Variants in CCDC150 observed in about 807,000 individuals in gnomAD.
CCDC150 encodes the protein coiled-coil domain-containing protein 150.
In CCDC150, 151 loss-of-function variants were observed where a neutral mutation model predicts 156.5. That is an observed-to-expected ratio of 0.97 (90% CI 0.85 to 1.10). The LOEUF is 1.10. Ranked by LOEUF, CCDC150 falls within the 50% of genes least tolerant of loss-of-function variation. The probability of loss-of-function intolerance (pLI) is 0.00; values close to 1 mark genes in which losing one functional copy is unlikely to be tolerated. For synonymous variants in CCDC150, 452 were observed against 429.4 expected (o/e 1.05, Z -0.65); for missense variants, 1,312 against 1,268.1 (o/e 1.03, Z -0.53).
intron 6 of CCDC150, 146 bp from the exon 7 acceptor site, chr2:196,666,573 G>C: frequency 1.4e-6 from 1 of 698,916 alleles, no homozygotes. Flanking sequence ...ACCGCATTCT[G>C]TTGAGATTTT....
intron 22 of CCDC150, among the ~76,000 whole-genome samples, chr2:196,728,646 CAG>C (rs1363873294): frequency 6.6e-6 from 1 of 152,074 alleles, no homozygotes; most frequent in East Asian, 1.9e-4. Flanking sequence ...CAGTACCTGA[CAG>C]ATATTTATAT....
At chr2:196,715,299 C>T (rs1018484258) in intron 17 of CCDC150, among the ~76,000 whole-genome samples, 2 of 151,964 alleles carry the variant, frequency 1.3e-5, no homozygotes, top group Non-Finnish European at 2.9e-5. Flanking sequence ...CATAGTTTTG[C>T]AATACTGCTT....
intron 4 of CCDC150, 147 bp downstream of exon 4, chr2:196,657,283 CT>C: frequency 1.3e-6 from 1 of 747,534 alleles, no homozygotes; most frequent in Non-Finnish European, 2.2e-6. Context: ...TTTGAGGATT[CT>C]TGGCCTATGA....
At chr2:196,695,832 C>T (rs574371819) in intron 14 of CCDC150, among the ~76,000 whole-genome samples, 3 of 151,322 alleles carry the variant, frequency 2.0e-5, no homozygotes, top group Admixed American at 2.0e-4. Context: ...AAAAAATCTT[C>T]TCCAAGTAAA....
At position 196,646,520 on chromosome 2, in the gene CCDC150, T is replaced by C. The variant is rs1438477292; in HGVS notation, c.176+16T>C. 3 of 1,607,466 alleles carry C rather than the reference T, an allele frequency of 1.9e-6. No individual in the cohort carries two copies. The highest frequency in any genetic ancestry group is 2.6e-6 in the Non-Finnish European group (3 of 1,174,562). On this transcript the variant is annotated intron_variant, in intron 2 of 27. Transcript: ENST00000389175. The stretch of plus-strand genomic sequence containing the variant: ...GTGAAAAAAGGTAACAAAAATGAAC[T>C]ACATCTCTGTAGGTTGAAGAATTTT...
chr2:196,714,452 T>A (rs1465640540), intron 17 of CCDC150, among the ~76,000 whole-genome samples: 1 of 152,168 alleles, frequency 6.6e-6, no homozygotes, highest in Non-Finnish European at 1.5e-5. Context: ...TGAGACATGG[T>A]GGAAGCGGGA....
intron 13 of CCDC150, among the ~76,000 whole-genome samples, chr2:196,682,079 TA>T (rs979440036): frequency 3.9e-5 from 6 of 151,976 alleles, no homozygotes; most frequent in Non-Finnish European, 5.9e-5. Context: ...AAAATTTTTT[TA>T]ATAGTTTTAT....
At chr2:196,705,463 G>A (rs1003518578) in intron 15 of CCDC150, among the ~76,000 whole-genome samples, 4 of 152,246 alleles carry the variant, frequency 2.6e-5, no homozygotes, top group South Asian at 2.1e-4. Flanking sequence ...TGTCAGATGG[G>A]TAGATTGCAA....
In CCDC150 at chr2:196,706,170, T is replaced by TTTGTTTGTGTCCTCTTTTATTTTG. The variant is rs1207583967; in HGVS notation, c.1695+4994_1695+5017dup. ...TTATGGAAGAACAAATATTCTTCCA[T>TTTGTTTGTGTCCTCTTTTATTTTG]TTGTTTGTGTCCTCTTTTATTTTGT... On this transcript the variant is annotated intron_variant, in intron 15 of 27. Transcript: ENST00000389175. Among the ~76,000 whole-genome samples, 13 of 152,300 alleles carry TTTGTTTGTGTCCTCTTTTATTTTG rather than the reference T, an allele frequency of 8.5e-5. No individual in the cohort carries two copies. The East Asian group carries it at 2.5e-3, about 29-fold the overall frequency.
chr2:196,648,867 G>GTT (rs1692702227), intron 2 of CCDC150, among the ~76,000 whole-genome samples: 1 of 152,128 alleles, frequency 6.6e-6, no homozygotes, highest in African/African-American at 2.4e-5. Context: ...TGGATAGTCA[G>GTT]TTTTCCTAAT....
At chr2:196,679,982 A>G (rs902223671) in intron 13 of CCDC150, among the ~76,000 whole-genome samples, 1 of 152,154 alleles carries the variant, frequency 6.6e-6, no homozygotes, top group African/African-American at 2.4e-5. Flanking sequence ...TTTAAAACAT[A>G]TTCTTATAAT....
chr2:196,694,441 A>G (rs933713248), intron 13 of CCDC150, among the ~76,000 whole-genome samples: 2 of 152,192 alleles, frequency 1.3e-5, no homozygotes, highest in Admixed American at 1.3e-4. Flanking sequence ...AAGGGGAACT[A>G]TATAATTTAC....
intron 6 of CCDC150, among the ~76,000 whole-genome samples, chr2:196,666,228 G>T (rs902308670): frequency 6.6e-6 from 1 of 151,952 alleles, no homozygotes; most frequent in African/African-American, 2.4e-5. Context: ...AAATAATTTA[G>T]AATACTTTAA....
chr2:196,672,214 CATTT>C (rs1384533148), intron 8 of CCDC150, 127 bp from the exon 9 acceptor site: 1 of 430,704 alleles, frequency 2.3e-6, no homozygotes, highest in Non-Finnish European at 4.2e-6. Context: ...CTTTATAAGA[CATTT>C]ATAAAGTTCC....
chr2:196,690,202 A>G (rs1266639215), intron 13 of CCDC150, among the ~76,000 whole-genome samples: 2 of 151,194 alleles, frequency 1.3e-5, no homozygotes, highest in Non-Finnish European at 2.9e-5. Flanking sequence ...AGGAAGGGGA[A>G]CATCACACTC....
Position 196,674,223 on chromosome 2 carries a change from C to T in CCDC150, c.1030-18C>T, listed in dbSNP as rs1559232226. 6.9e-7 allele frequency: 1 copy of T among 1,442,658 alleles called. No individual in the cohort carries two copies. The highest frequency in any genetic ancestry group is 2.4e-5 in the East Asian group (1 of 42,398). 89.4% of individuals were successfully genotyped at this position (1,442,658 alleles called of 1,614,324 possible). ...CTTTATTGGAGAGACCAATGACTTG[C>T]TGTGTGTGTTTTCTTAGGTTTTGAA... On this transcript the variant is annotated intron_variant, in intron 9 of 27. Coordinates refer to ENST00000389175, the MANE Select transcript of CCDC150 (RefSeq NM_001080539.2).
chr2:196,701,266 C>A, intron 15 of CCDC150, 86 bp downstream of exon 15: 1 of 914,184 alleles, frequency 1.1e-6, no homozygotes, highest in Non-Finnish European at 1.7e-6. Flanking sequence ...TTGAGAATAC[C>A]TAGCTCTGTC....
Position 196,656,645 on chromosome 2 carries a change from A to T in CCDC150, c.189A>T (p.Glu63Asp), listed in dbSNP as rs1693203773. ...GATCTTTGTCCAGAGGCTATTTGGAAGCTCCAGACTGTTTAGAAGACCTGG... is the reference window on the plus strand; with the variant it reads ...GATCTTTGTCCAGAGGCTATTTGGATGCTCCAGACTGTTTAGAAGACCTGG... ...LDFGEKRGYLEAPDCLEDLDS... is the reference protein window; with the variant it reads ...LDFGEKRGYLDAPDCLEDLDS... Residue 63 changes from glutamate (E) to aspartate (D), a missense_variant, in exon 3 of 28, where the codon GAA (glutamate) becomes GAT (aspartate). Transcript: ENST00000389175. 1.9e-6 allele frequency: 3 copies of T among 1,607,534 alleles called. No individual in the cohort carries two copies. Among genetic ancestry groups the T allele is most frequent in the Non-Finnish European group, 2.6e-6 (3 of 1,176,356 alleles).
chr2:196,661,826 C>A (rs576891289), intron 5 of CCDC150, among the ~76,000 whole-genome samples: 1 of 152,058 alleles, frequency 6.6e-6, no homozygotes. Context: ...AGGTATATCA[C>A]GTATAAAAGA....
Sources: gnomAD v4.1 joint callset for allele counts (sites outside exome capture counted in the v4.1 genomes callset) on GRCh38, gnomAD v4.1.1 for gene constraint, MANE v1.5 for transcripts, NCBI Gene and HGNC (gene_info 2026-07-23, HGNC 2026-07-21) for gene names.